SEMA6D: variants seen among roughly 807,000 people sequenced by gnomAD.
SEMA6D encodes semaphorin 6D.
Under a neutral mutation model 106.6 loss-of-function variants are expected in SEMA6D, and 35 were observed. The ratio of observed to expected loss-of-function variants is 0.33; its 90% CI spans 0.25 to 0.44. SEMA6D has a LOEUF of 0.44. Among genes scored for constraint, SEMA6D ranks in the 20% least tolerant of loss-of-function variants. The pLI is 1.00. For synonymous variants in SEMA6D, 499 were observed against 487.7 expected, an observed-to-expected ratio of 1.02 and a Z score of -0.31; for missense variants, 1,185 against 1,345.9, an observed-to-expected ratio of 0.88 and a Z score of 1.87.
intron 1 of SEMA6D, among the ~76,000 whole-genome samples, chr15:47,349,550 T>G (rs1355498952): frequency 6.6e-6 from 1 of 152,192 alleles, no homozygotes; most frequent in Non-Finnish European, 1.5e-5. Context: ...GTCTGATTGT[T>G]TTAAAATGTG....
chr15:47,746,211 C>A (rs1165876334), intron 1 of SEMA6D, among the ~76,000 whole-genome samples: 2 of 152,210 alleles, frequency 1.3e-5, no homozygotes, highest in African/African-American at 4.8e-5. Flanking sequence ...TCTGTAAACT[C>A]ATCACCAACT....
At chr15:47,345,834 A>G (rs905872206) in intron 1 of SEMA6D, among the ~76,000 whole-genome samples, 15 of 152,292 alleles carry the variant, frequency 9.8e-5, no homozygotes, top group Non-Finnish European at 5.9e-5. Context: ...AGGATGGACA[A>G]GTGTGGGGGT....
intron 2 of SEMA6D, among the ~76,000 whole-genome samples, chr15:47,451,675 T>A (rs1596030334): frequency 6.6e-6 from 1 of 152,132 alleles, no homozygotes; most frequent in East Asian, 1.9e-4. Context: ...TTCTAACAAC[T>A]GGGGAATTCA....
intron 3 of SEMA6D, among the ~76,000 whole-genome samples, chr15:47,516,382 C>T (rs1328983235): frequency 2.6e-5 from 4 of 152,152 alleles, no homozygotes; most frequent in Non-Finnish European, 5.9e-5. Flanking sequence ...CCCAAAAGAT[C>T]ATGGCAGCCC....
At chr15:47,268,088 C>G (rs1161537568) in intron 1 of SEMA6D, among the ~76,000 whole-genome samples, 1 of 152,064 alleles carries the variant, frequency 6.6e-6, no homozygotes, top group Non-Finnish European at 1.5e-5. Flanking sequence ...GAAACAGAAA[C>G]GGCAGTTTAA....
chr15:47,211,173 T>A (rs1334706012), intron 1 of SEMA6D, among the ~76,000 whole-genome samples: 1 of 152,160 alleles, frequency 6.6e-6, no homozygotes, highest in Non-Finnish European at 1.5e-5. Context: ...CTCTCTCTAT[T>A]TTTTATCTTT....
intron 1 of SEMA6D, among the ~76,000 whole-genome samples, chr15:47,297,180 T>A (rs1224497905): frequency 6.6e-6 from 1 of 152,206 alleles, no homozygotes; most frequent in Non-Finnish European, 1.5e-5. Flanking sequence ...TGAAAAGGAA[T>A]AAATAATATA....
chr15:47,474,889 A>G (rs1340112509), intron 3 of SEMA6D, among the ~76,000 whole-genome samples: 1 of 152,212 alleles, frequency 6.6e-6, no homozygotes, highest in African/African-American at 2.4e-5. Flanking sequence ...TCATGATTCT[A>G]TGGTACGATG....
chr15:47,540,431 T>C (rs1279366575), intron 3 of SEMA6D, among the ~76,000 whole-genome samples: 2 of 151,868 alleles, frequency 1.3e-5, no homozygotes, highest in East Asian at 3.9e-4. Flanking sequence ...CGTTAACTTG[T>C]ACTGAAAAAA....
chr15:47,582,150 G>A (rs768558645), intron 3 of SEMA6D, among the ~76,000 whole-genome samples: 1 of 152,174 alleles, frequency 6.6e-6, no homozygotes, highest in South Asian at 2.1e-4. Context: ...AGCAAGATTT[G>A]TAAGACAGCC....
chr15:47,705,920 C>T (rs1567002087), intron 4 of SEMA6D, among the ~76,000 whole-genome samples: 2 of 152,246 alleles, frequency 1.3e-5, no homozygotes, highest in African/African-American at 4.8e-5. Flanking sequence ...CCTGCTTCTT[C>T]TCCAGAATGA....
At chr15:47,561,867 A>C (rs906714538) in intron 3 of SEMA6D, among the ~76,000 whole-genome samples, 1 of 151,884 alleles carries the variant, frequency 6.6e-6, no homozygotes, top group African/African-American at 2.4e-5. Flanking sequence ...TGTTTTACCA[A>C]CTCTAAGTTA....
At chr15:47,499,744 G>C (rs2043785753) in intron 3 of SEMA6D, among the ~76,000 whole-genome samples, 1 of 152,072 alleles carries the variant, frequency 6.6e-6, no homozygotes, top group Non-Finnish European at 1.5e-5. Flanking sequence ...GCTATATCTG[G>C]AGGGCTTGAA....
At chr15:47,585,117 C>T (rs1056826374) in intron 3 of SEMA6D, among the ~76,000 whole-genome samples, 3 of 152,214 alleles carry the variant, frequency 2.0e-5, no homozygotes, top group African/African-American at 7.2e-5. Context: ...GTCAGATCTT[C>T]TCCCAACATC....
chr15:47,195,694 C>T (rs903379017), intron 1 of SEMA6D, among the ~76,000 whole-genome samples: 12 of 152,152 alleles, frequency 7.9e-5, no homozygotes, highest in African/African-American at 2.9e-4. Context: ...GGTATCTCTT[C>T]TCGGGGTTCC....
intron 1 of SEMA6D, among the ~76,000 whole-genome samples, chr15:47,366,509 A>G (rs891097480): frequency 6.6e-6 from 1 of 152,216 alleles, no homozygotes; most frequent in African/African-American, 2.4e-5. Context: ...CAGGAAAATT[A>G]CACTGCAGGC....
intron 2 of SEMA6D, among the ~76,000 whole-genome samples, chr15:47,426,419 T>A (rs1299569269): frequency 1.3e-5 from 2 of 152,268 alleles, no homozygotes; most frequent in East Asian, 3.9e-4. Flanking sequence ...AGAATAGTTT[T>A]GATCATCAGT....
At chr15:47,339,008 CACATTGCT>C (rs1365098949) in intron 1 of SEMA6D, 1 of 152,144 alleles carries the variant, frequency 6.6e-6, no homozygotes, top group African/African-American at 2.4e-5. Flanking sequence ...TTTGTCCAAT[CACATTGCT>C]ACATGGTTTT....
At chr15:47,434,075 G>A (rs1196698798) in intron 2 of SEMA6D, among the ~76,000 whole-genome samples, 3 of 152,136 alleles carry the variant, frequency 2.0e-5, no homozygotes, top group Non-Finnish European at 2.9e-5. Context: ...GAGAAAAAAT[G>A]AGAAGGCCAC....
Sources: allele counts gnomAD v4.1 joint callset (sites outside exome capture counted in the v4.1 genomes callset), GRCh38; gene constraint gnomAD v4.1.1; transcripts MANE v1.5; gene names NCBI Gene and HGNC (gene_info 2026-07-23, HGNC 2026-07-21).